Variants in EP400 observed in about 807,000 individuals in gnomAD.
EP400 encodes E1A binding protein p400.
A neutral mutation model predicts 354.1 loss-of-function variants in EP400; 105 were observed. The ratio of observed to expected loss-of-function variants is 0.30; its 90% CI spans 0.25 to 0.35. The LOEUF (loss-of-function observed/expected upper bound fraction) is 0.35, where lower values mean the gene tolerates loss of function less well. Among genes scored for constraint, EP400 ranks in the 10% least tolerant of loss-of-function variants. The pLI, the probability that EP400 is intolerant of heterozygous loss-of-function variation, is 1.00. For synonymous variants in EP400, 1,646 were observed against 1,716.9 expected (o/e 0.96, Z 1.02); for missense variants, 3,280 against 4,121.0 (o/e 0.80, Z 5.59).
At chr12:132,034,046 G>A (rs1013306955) in intron 30 of EP400, among the ~76,000 whole-genome samples, 2 of 152,166 alleles carry the variant, frequency 1.3e-5, no homozygotes, top group Non-Finnish European at 2.9e-5. Context: ...CTTGAAGAAG[G>A]CTCACACTGT....
At chr12:132,002,885 A>G (rs1171298650) in intron 12 of EP400, among the ~76,000 whole-genome samples, 8 of 152,182 alleles carry the variant, frequency 5.3e-5, no homozygotes, top group Non-Finnish European at 1.0e-4. Flanking sequence ...AGGCTTCTTC[A>G]TGGTCTTCAG....
chr12:132,029,859 G>A lies in EP400; in HGVS notation c.5540G>A (p.Arg1847His), dbSNP rs768876234. ...CAGCTGCGGCAGACCACGGCTCCAC[G>A]CCTGCTGCAGTTCCCTGAGCTGAGG... is the stretch of plus-strand genomic sequence containing the variant. ...FQQLRQTTAP[R>H]LLQFPELRLV... Residue 1847 changes from arginine to histidine, a missense_variant, in exon 28 of 53, where the codon CGC (arginine) becomes CAC (histidine). By Grantham distance (29) the Arg-to-His change is conservative. Around this residue, in one of 20 missense-constraint regions of EP400, gnomAD observed 459 missense variants for 496.9 expected, o/e 0.92. Coordinates refer to ENST00000389561, the MANE Select transcript of EP400 (RefSeq NM_015409.5). This position sits in a 1 kb window ranked among gnomAD's most constrained non-coding sequence, Gnocchi z 4.7. 6.8e-6 allele frequency: 11 copies of A among 1,612,682 alleles called. No individual in the cohort carries two copies. Among genetic ancestry groups the A allele is most frequent in the South Asian group, 1.1e-5 (1 of 91,086 alleles).
intron 7 of EP400, 26 bp from the exon 8 acceptor site, chr12:131,989,938 A>T (rs1218847646): frequency 6.2e-7 from 1 of 1,612,010 alleles, no homozygotes; most frequent in Non-Finnish European, 8.5e-7. Context: ...AGTACAACAT[A>T]CAATTCTTGC....
At chr12:131,979,075 G>T (rs896585552) in intron 2 of EP400, among the ~76,000 whole-genome samples, 1 of 152,018 alleles carries the variant, frequency 6.6e-6, no homozygotes, top group Non-Finnish European at 1.5e-5. Flanking sequence ...AAACTAGCCA[G>T]GCGTGGTGGC....
At chr12:132,006,667 A>G (rs763669564) in intron 14 of EP400, 33 bp from the exon 15 acceptor site, 3 of 1,545,926 alleles carry the variant, frequency 1.9e-6, no homozygotes, top group Admixed American at 2.3e-5. Context: ...TATTTTGACG[A>G]GCTGTCATTC....
chr12:131,952,976 A>C (rs1891566885), intron 1 of EP400, among the ~76,000 whole-genome samples: 2 of 152,062 alleles, frequency 1.3e-5, no homozygotes, highest in Admixed American at 1.3e-4. Flanking sequence ...TCAGCTCCCC[A>C]CAGCTACCAA....
At chr12:131,995,926 T>C (rs1893196842) in intron 12 of EP400, among the ~76,000 whole-genome samples, 1 of 152,110 alleles carries the variant, frequency 6.6e-6, no homozygotes, top group South Asian at 2.1e-4. Flanking sequence ...TGTGAGAACT[T>C]CATACGAACG....
chr12:131,991,564 T>C, intron 10 of EP400, 108 bp downstream of exon 10: 3 of 959,596 alleles, frequency 3.1e-6, no homozygotes, highest in South Asian at 1.5e-5. Context: ...TGACTATTAC[T>C]TCCTTTCTTT....
intron 45 of EP400, among the ~76,000 whole-genome samples, chr12:132,057,969 A>T (rs1895566058): frequency 6.6e-6 from 1 of 152,160 alleles, no homozygotes. Context: ...GTGTGCTTTC[A>T]TGGGGGCCTT....
intron 30 of EP400, among the ~76,000 whole-genome samples, chr12:132,035,399 C>T (rs555850077): frequency 6.6e-6 from 1 of 152,174 alleles, no homozygotes; most frequent in African/African-American, 2.4e-5. Flanking sequence ...GAGCTCATGT[C>T]GAGGGATTTC....
At chr12:131,964,083 A>C (rs1015096783) in intron 2 of EP400, among the ~76,000 whole-genome samples, 1 of 152,250 alleles carries the variant, frequency 6.6e-6, no homozygotes, top group African/African-American at 2.4e-5. Flanking sequence ...TTCTGAAATC[A>C]TCAGGACCAC....
intron 12 of EP400, among the ~76,000 whole-genome samples, chr12:131,997,680 G>A (rs905584414): frequency 2.6e-5 from 4 of 151,958 alleles, no homozygotes; most frequent in African/African-American, 9.7e-5. Flanking sequence ...TTAAGTGGAA[G>A]CGAATAATTA....
chr12:131,961,989 CT>C (rs1481171336), intron 2 of EP400, 35 bp downstream of exon 2: 2 of 1,574,638 alleles, frequency 1.3e-6, no homozygotes, highest in African/African-American at 2.7e-5. Flanking sequence ...TAGTACAAAT[CT>C]TCTAGATGAT....
chr12:132,021,186 C>G lies in EP400; in HGVS notation c.4555C>G (p.Arg1519Gly). The G allele has an allele frequency of 1.2e-6, 2 of 1,600,950 alleles. No homozygotes were observed. The highest frequency in any genetic ancestry group is 1.7e-6 in the Non-Finnish European group (2 of 1,179,610). Residue 1519 changes from arginine to glycine, a missense_variant, in exon 23 of 53, where the codon CGG (arginine) becomes GGG (glycine). Physicochemically the swap from Arg to Gly is moderately radical, Grantham distance 125. This residue lies in a region of EP400 where 342 missense variants were observed against 342.7 expected (regional missense o/e 1.00). Coordinates refer to ENST00000389561, the MANE Select transcript of EP400 (RefSeq NM_015409.5). The part of the protein sequence containing the change: ...AASPAHPAKL[R>G]AQTTAQASTP... Reference sequence around the variant, plus strand: ...TAGCCCGGCCCATCCTGCGAAACTGCGGGCCCAGACCACAGCACAGGCCTC... The same window carrying G: ...TAGCCCGGCCCATCCTGCGAAACTGGGGGCCCAGACCACAGCACAGGCCTC...
rs1243738624 is a variant in EP400 at position 132,038,589 on chromosome 12, C to T, written c.6207+493C>T. On this transcript the variant is annotated intron_variant, in intron 32 of 52. Coordinates refer to ENST00000389561, the MANE Select transcript of EP400 (RefSeq NM_015409.5). This position sits in a 1 kb window ranked among gnomAD's most constrained non-coding sequence, Gnocchi z 4.2. ...CGTTGATACTTTTGAGTGTTGACTA[C>T]ATGTTGAAGTGATAATATTTTGGCT... 1.3e-5 allele frequency among the ~76,000 whole-genome samples: 2 copies of T among 152,218 alleles called. No homozygotes were observed. The highest frequency in any genetic ancestry group is 2.9e-5 in the Non-Finnish European group (2 of 68,048).
In EP400 at chr12:132,028,148, A is replaced by G. The variant is rs754595961; in HGVS notation, c.5241A>G (p.Val1747=). The G allele has an allele frequency of 6.2e-7, 1 of 1,614,212 alleles. No homozygotes were observed. The highest frequency in any genetic ancestry group is 8.5e-7 in the Non-Finnish European group (1 of 1,180,036). The change falls in exon 27 of 53, where the codon GTA becomes GTG. Residue 1747 remains valine, a synonymous_variant. Transcript: ENST00000389561. ...GTGCCCTGCCTAGCCATGGAAGGGT[A>G]CAGTGGCGTGGGTCCCTGGATGGCC... The part of the protein sequence containing the change: ...RICALPSHGR[V]QWRGSLDGRR...
intron 7 of EP400, 135 bp from the exon 8 acceptor site, chr12:131,989,829 A>G (rs2136502616): frequency 2.1e-6 from 2 of 962,868 alleles, no homozygotes; most frequent in Non-Finnish European, 3.0e-6. Flanking sequence ...ATCCACCCTA[A>G]GAGCATACGA....
rs1199852213 is a variant in EP400 at position 131,974,123 on chromosome 12, C to T, written c.1336-5571C>T. On this transcript the variant is annotated intron_variant, in intron 2 of 52. Transcript: ENST00000389561. Reference sequence around the variant, plus strand: ...CCTCCCGAGTAGCTGGGACTACAGGCGTGTGCCACCATGCCCAGCTAATTT... The same window carrying T: ...CCTCCCGAGTAGCTGGGACTACAGGTGTGTGCCACCATGCCCAGCTAATTT... 5.3e-5 allele frequency among the ~76,000 whole-genome samples: 8 copies of T among 151,922 alleles called. No homozygotes were observed. In the South Asian group the frequency reaches 6.2e-4, roughly 12 times the overall value.
intron 1 of EP400, among the ~76,000 whole-genome samples, chr12:131,955,606 T>C (rs1891670077): frequency 6.6e-6 from 1 of 150,792 alleles, no homozygotes; most frequent in Non-Finnish European, 1.5e-5. Context: ...TAGTGTATGG[T>C]TGAATTTTTT....
Sources: allele counts gnomAD v4.1 joint callset (sites outside exome capture counted in the v4.1 genomes callset), GRCh38; gene constraint gnomAD v4.1.1; regional missense constraint gnomAD v4.1.1; non-coding constraint Gnocchi (gnomAD v3.1); transcripts MANE v1.5; gene names NCBI Gene and HGNC (gene_info 2026-07-23, HGNC 2026-07-21).